The following PRKN variants were observed in gnomAD, a reference collection of about 807,000 sequenced individuals.
PRKN encodes the protein parkin RBR E3 ubiquitin protein ligase, also known as E3 ubiquitin-protein ligase parkin.
In PRKN, 56 loss-of-function variants were observed where a neutral mutation model predicts 59.5. The observed-to-expected ratio is 0.94, with a 90% CI of 0.76 to 1.18. PRKN has a LOEUF of 1.18. Ranked by LOEUF, PRKN falls within the 50% of genes most tolerant of loss-of-function variation. PRKN has a pLI of 0.00. For synonymous variants in PRKN, 250 were observed against 222.1 expected (o/e 1.13, Z -1.12); for missense variants, 657 against 596.4 (o/e 1.10, Z -1.06).
intron 1 of PRKN, among the ~76,000 whole-genome samples, chr6:162,688,869 T>TC (rs1002237035): frequency 1.3e-5 from 2 of 152,050 alleles, no homozygotes; most frequent in Non-Finnish European, 1.5e-5. Flanking sequence ...TTTACTTTTT[T>TC]CCCCCCAGTT....
chr6:162,166,231 C>G (rs1782984013), intron 4 of PRKN, among the ~76,000 whole-genome samples: 1 of 152,084 alleles, frequency 6.6e-6, no homozygotes, highest in African/African-American at 2.4e-5. Context: ...AACGGTTGCT[C>G]CACACAACAG....
At chr6:162,268,900 GC>G (rs1308723302) in intron 2 of PRKN, among the ~76,000 whole-genome samples, 6 of 152,198 alleles carry the variant, frequency 3.9e-5, no homozygotes, top group African/African-American at 1.2e-4. Flanking sequence ...GAGCCAGATA[GC>G]TGAAATGTTA....
chr6:162,422,247 CTTAA>C (rs1184293109), intron 2 of PRKN, among the ~76,000 whole-genome samples: 2 of 152,148 alleles, frequency 1.3e-5, no homozygotes, highest in African/African-American at 4.8e-5. Context: ...AGAAGGGCTA[CTTAA>C]TAATATTTCT....
chr6:161,512,046 C>T (rs1353447179), intron 9 of PRKN, among the ~76,000 whole-genome samples: 1 of 152,136 alleles, frequency 6.6e-6, no homozygotes, highest in African/African-American at 2.4e-5. Flanking sequence ...AATCTCCTGC[C>T]AAGAGCCAAA....
chr6:162,298,323 T>C (rs1227650035), intron 2 of PRKN, among the ~76,000 whole-genome samples: 2 of 152,106 alleles, frequency 1.3e-5, no homozygotes, highest in African/African-American at 4.8e-5. Context: ...CCAATTCTCA[T>C]TAGCTCTGGG....
At chr6:162,514,370 G>C (rs1385888423) in intron 1 of PRKN, among the ~76,000 whole-genome samples, 1 of 152,094 alleles carries the variant, frequency 6.6e-6, no homozygotes. Flanking sequence ...ACGTAGGGCA[G>C]TTGTGGGGAA....
At chr6:162,340,741 A>T (rs1784143080) in intron 2 of PRKN, among the ~76,000 whole-genome samples, 1 of 152,206 alleles carries the variant, frequency 6.6e-6, no homozygotes, top group Non-Finnish European at 1.5e-5. Flanking sequence ...GAAAACTGAA[A>T]CTGGACCCTT....
intron 6 of PRKN, among the ~76,000 whole-genome samples, chr6:161,888,280 C>G (rs1367238169): frequency 6.6e-6 from 1 of 152,142 alleles, no homozygotes; most frequent in Non-Finnish European, 1.5e-5. Flanking sequence ...TGAATGTCAG[C>G]GCTTACCTTC....
chr6:162,068,968 T>C (rs1276698755), intron 4 of PRKN, among the ~76,000 whole-genome samples: 1 of 152,210 alleles, frequency 6.6e-6, no homozygotes, highest in Non-Finnish European at 1.5e-5. Context: ...GTACTCAGGC[T>C]ATTTTTCAAA....
intron 9 of PRKN, among the ~76,000 whole-genome samples, chr6:161,422,877 G>A (rs11759540): frequency 0.067 from 10,263 of 152,172 alleles, 488 homozygotes; most frequent in South Asian, 0.18. Context: ...AATAAACGGG[G>A]ATGATGCCAA....
intron 2 of PRKN, among the ~76,000 whole-genome samples, chr6:162,416,977 G>A (rs1788660057): frequency 6.6e-6 from 1 of 152,162 alleles, no homozygotes; most frequent in Non-Finnish European, 1.5e-5. Context: ...CTAAACAGCT[G>A]TTTTAAATCT....
At chr6:161,611,854 G>T (rs1324561598) in intron 7 of PRKN, among the ~76,000 whole-genome samples, 1 of 152,238 alleles carries the variant, frequency 6.6e-6, no homozygotes, top group Non-Finnish European at 1.5e-5. Context: ...TAGCCAAGCT[G>T]TGAACTGGGA....
intron 9 of PRKN, among the ~76,000 whole-genome samples, chr6:161,531,395 A>T (rs1424563092): frequency 1.3e-5 from 2 of 152,006 alleles, no homozygotes; most frequent in Non-Finnish European, 2.9e-5. Flanking sequence ...AAAAAAAAAA[A>T]AATTAATTGT....
chr6:161,973,291 T>C lies in PRKN; in HGVS notation c.734+11A>G, dbSNP rs1174900409. ...CCGTGGAGGGAAGTGACACTATTTT[T>C]AGATCCTTACCTGACGTCTGTGCAC... On this transcript the variant is annotated intron_variant, in intron 6 of 11. Transcript: ENST00000366898. 9.5e-6 allele frequency: 15 copies of C among 1,573,324 alleles called. No individual in the cohort carries two copies. In the Admixed American group the frequency reaches 1.3e-4, roughly 14 times the overall value.
At chr6:161,961,711 T>C (rs553253739) in intron 6 of PRKN, among the ~76,000 whole-genome samples, 2 of 152,322 alleles carry the variant, frequency 1.3e-5, no homozygotes, top group Admixed American at 6.5e-5. Flanking sequence ...CAAGGTTTTA[T>C]CTCAGCTTGA....
chr6:161,626,099 C>T (rs1200404548), intron 7 of PRKN, among the ~76,000 whole-genome samples: 5 of 152,292 alleles, frequency 3.3e-5, no homozygotes, highest in Middle Eastern at 3.4e-3. Flanking sequence ...AAGTTAAGAT[C>T]CTATATGTTC....
chr6:161,474,542 G>A (rs535981979), intron 9 of PRKN, among the ~76,000 whole-genome samples: 22 of 151,926 alleles, frequency 1.4e-4, no homozygotes, highest in South Asian at 4.2e-4. Context: ...AGATATCTTC[G>A]TATGATTTTA....
intron 4 of PRKN, among the ~76,000 whole-genome samples, chr6:162,059,013 C>T (rs1777986730): frequency 6.6e-6 from 1 of 151,050 alleles, no homozygotes; most frequent in South Asian, 2.1e-4. Flanking sequence ...GGAATTAGGG[C>T]CCAGTTATAT....
chr6:162,089,077 C>T lies in PRKN; in HGVS notation c.535-34903G>A, dbSNP rs867646319. ...TACACACTGAACTACAACTTTTGTTCTTCAAAGAACATCATCACTACAGTA... is the reference window on the plus strand; with the variant it reads ...TACACACTGAACTACAACTTTTGTTTTTCAAAGAACATCATCACTACAGTA... On this transcript the variant is annotated intron_variant, in intron 4 of 11. Transcript: ENST00000366898. Among the ~76,000 whole-genome samples the T allele has an allele frequency of 3.9e-5, 6 of 152,222 alleles. No homozygotes were observed. In the Middle Eastern group the frequency reaches 0.014, roughly 345 times the overall value.
Sources: gnomAD v4.1 joint callset for allele counts (sites outside exome capture counted in the v4.1 genomes callset) on GRCh38, gnomAD v4.1.1 for gene constraint, MANE v1.5 for transcripts, NCBI Gene and HGNC (gene_info 2026-07-23, HGNC 2026-07-21) for gene names.